NIM1K: variants seen among roughly 807,000 people sequenced by gnomAD.
NIM1K encodes the protein NIM1 serine/threonine protein kinase.
A neutral mutation model predicts 37.1 loss-of-function variants in NIM1K; 35 were observed. That is an observed-to-expected ratio of 0.94 (90% CI 0.72 to 1.25). NIM1K has a LOEUF of 1.25. NIM1K is among the 50% of genes most tolerant of loss of function. NIM1K has a pLI of 0.00. For synonymous variants in NIM1K, 234 were observed against 206.6 expected (o/e 1.13, Z -1.14); for missense variants, 564 against 548.0 (o/e 1.03, Z -0.29).
At position 43,213,935 on chromosome 5, in the gene NIM1K, C is replaced by CTCTTTCTT. The variant is rs70994609; in HGVS notation, c.-695+21534_-695+21541dup. 4.3e-3 allele frequency among the ~76,000 whole-genome samples: 641 copies of CTCTTTCTT among 149,722 alleles called. 4 individuals carry two copies. The highest frequency in any genetic ancestry group is 0.017 in the Middle Eastern group (5 of 292). ...GGAGCCACCATGCCTAGCTCTTTCT[C>CTCTTTCTT]TCTTTCTTTCTTTCTTTTTTCTTTC... is the stretch of plus-strand genomic sequence containing the variant. On this transcript the variant is annotated intron_variant, in intron 1 of 3. Transcript: ENST00000326035.
intron 1 of NIM1K, among the ~76,000 whole-genome samples, chr5:43,230,328 T>C (rs1323897732): frequency 6.6e-6 from 1 of 151,854 alleles, no homozygotes; most frequent in Non-Finnish European, 1.5e-5. Context: ...TTTACCCCAC[T>C]GTGTCCACAT....
chr5:43,194,192 G>A (rs148646202), intron 1 of NIM1K, among the ~76,000 whole-genome samples: 246 of 152,168 alleles, frequency 1.6e-3, no homozygotes, highest in Middle Eastern at 6.8e-3. Flanking sequence ...GATCGCCCTC[G>A]CCATTTAGCA....
chr5:43,222,553 A>G (rs1215600679), intron 1 of NIM1K, among the ~76,000 whole-genome samples: 1 of 151,826 alleles, frequency 6.6e-6, no homozygotes, highest in Non-Finnish European at 1.5e-5. Context: ...ACACAGAGGG[A>G]CCCCATCTAT....
In NIM1K at chr5:43,229,275, C is replaced by T. The variant is rs1057005729; in HGVS notation, c.-694-15807C>T. On this transcript the variant is annotated intron_variant, in intron 1 of 3. Coordinates refer to ENST00000326035, the MANE Select transcript of NIM1K (RefSeq NM_153361.4). ...TGGCAGGAGCCTGTAATCGCAGGTACGCAGGAGGCTGAGGCAGGAGAATCG... is the reference window on the plus strand; with the variant it reads ...TGGCAGGAGCCTGTAATCGCAGGTATGCAGGAGGCTGAGGCAGGAGAATCG... Among the ~76,000 whole-genome samples the T allele has an allele frequency of 2.6e-4, 39 of 149,700 alleles. 1 individual carries two copies. The highest frequency in any genetic ancestry group is 8.9e-5 in the Non-Finnish European group (6 of 67,712).
chr5:43,256,286 T>A (rs575075031), intron 2 of NIM1K, among the ~76,000 whole-genome samples: 1 of 152,264 alleles, frequency 6.6e-6, no homozygotes, highest in South Asian at 2.1e-4. Context: ...TGGTTTGGAC[T>A]AGGAAGGTAG....
At chr5:43,250,525 A>G (rs1456932296) in intron 2 of NIM1K, among the ~76,000 whole-genome samples, 1 of 152,238 alleles carries the variant, frequency 6.6e-6, no homozygotes, top group Non-Finnish European at 1.5e-5. Context: ...TTTAACACAC[A>G]GCACCAAAAG....
At chr5:43,252,652 G>C (rs1485938141) in intron 2 of NIM1K, among the ~76,000 whole-genome samples, 1 of 151,964 alleles carries the variant, frequency 6.6e-6, no homozygotes, top group Non-Finnish European at 1.5e-5. Flanking sequence ...ATGGGTCCCT[G>C]CTGGCTGGGG....
chr5:43,276,958 C>A, intron 2 of NIM1K, 99 bp from the exon 3 acceptor site: 1 of 1,232,232 alleles, frequency 8.1e-7, no homozygotes, highest in Non-Finnish European at 1.2e-6. Flanking sequence ...GGAACAGCCA[C>A]TCTCTGTCTA....
At chr5:43,233,274 A>G (rs1394860042) in intron 1 of NIM1K, 2 of 479,550 alleles carry the variant, frequency 4.2e-6, no homozygotes, top group African/African-American at 3.9e-5. Flanking sequence ...GAACCTGCCT[A>G]TTATTTTCTT....
intron 2 of NIM1K, among the ~76,000 whole-genome samples, chr5:43,263,804 G>C (rs1041256603): frequency 8.5e-5 from 13 of 152,196 alleles, no homozygotes; most frequent in African/African-American, 3.1e-4. Flanking sequence ...GTATCCCAGA[G>C]ATTCTGGTAC....
At chr5:43,231,687 G>T in intron 1 of NIM1K, 1 of 526,084 alleles carries the variant, frequency 1.9e-6, no homozygotes, top group Non-Finnish European at 3.6e-6. Context: ...TTAAAGCATA[G>T]GTCAGTAGTT....
intron 2 of NIM1K, among the ~76,000 whole-genome samples, chr5:43,265,945 T>C (rs1163073850): frequency 6.6e-6 from 1 of 152,228 alleles, no homozygotes; most frequent in Admixed American, 6.5e-5. Flanking sequence ...CAGCAAATAT[T>C]GCAGAATAGC....
In NIM1K at chr5:43,217,132, C is replaced by A. The variant is rs1265468324; in HGVS notation, c.-695+24721C>A. 3.3e-5 allele frequency among the ~76,000 whole-genome samples: 5 copies of A among 152,172 alleles called. No homozygotes were observed. The East Asian group carries it at 9.6e-4, about 29-fold the overall frequency. On this transcript the variant is annotated intron_variant, in intron 1 of 3. Coordinates refer to ENST00000326035, the MANE Select transcript of NIM1K (RefSeq NM_153361.4). ...GCTTTGCTTAGCCAGCTTTACCAAT[C>A]TCTCCCCTCATACTCCAGTCAACCA...
chr5:43,221,566 C>T (rs1022123969), intron 1 of NIM1K, among the ~76,000 whole-genome samples: 4 of 152,046 alleles, frequency 2.6e-5, no homozygotes, highest in African/African-American at 9.7e-5. Flanking sequence ...GGGCAGCCCC[C>T]GAATAAGAAC....
chr5:43,273,038 G>C (rs1443908920), intron 2 of NIM1K, among the ~76,000 whole-genome samples: 1 of 152,006 alleles, frequency 6.6e-6, no homozygotes, highest in Non-Finnish European at 1.5e-5. Context: ...ATCAGATTTG[G>C]AGAAAGGGCA....
At chr5:43,233,530 A>G (rs570133992) in intron 1 of NIM1K, among the ~76,000 whole-genome samples, 2 of 152,316 alleles carry the variant, frequency 1.3e-5, no homozygotes, top group Non-Finnish European at 2.9e-5. Flanking sequence ...TTGTTCCACA[A>G]CACTCTTTTC....
chr5:43,211,445 T>C (rs183151532), intron 1 of NIM1K, among the ~76,000 whole-genome samples: 56 of 152,164 alleles, frequency 3.7e-4, no homozygotes, highest in Non-Finnish European at 6.8e-4. Context: ...CCCAAAGAAG[T>C]TGTCTGTCTA....
Position 43,260,662 on chromosome 5 carries a change from C to G in NIM1K, c.292+14595C>G, listed in dbSNP as rs975248666. On this transcript the variant is annotated intron_variant, in intron 2 of 3. Coordinates refer to ENST00000326035, the MANE Select transcript of NIM1K (RefSeq NM_153361.4). ...TTCTGCAGTACATGTGCACAATGTG[C>G]AGGTTTGTTACATATGTATACATGT... Among the ~76,000 whole-genome samples the G allele has an allele frequency of 2.6e-5, 4 of 151,990 alleles. No homozygotes were observed. In the East Asian group the frequency reaches 7.7e-4, roughly 29 times the overall value.
At chr5:43,268,314 C>T (rs906470400) in intron 2 of NIM1K, among the ~76,000 whole-genome samples, 4 of 152,188 alleles carry the variant, frequency 2.6e-5, no homozygotes, top group African/African-American at 7.2e-5. Context: ...TGTGGTCAAA[C>T]TAGGATGGAG....
Sources: allele counts gnomAD v4.1 joint callset (sites outside exome capture counted in the v4.1 genomes callset), GRCh38; gene constraint gnomAD v4.1.1; transcripts MANE v1.5; gene names NCBI Gene and HGNC (gene_info 2026-07-23, HGNC 2026-07-21).